HS3ST5: variants seen among roughly 807,000 people sequenced by gnomAD.
HS3ST5 encodes the protein heparan sulfate-glucosamine 3-sulfotransferase 5.
HS3ST5 carries 10 observed loss-of-function variants against 25.4 expected under a neutral mutation model. The observed-to-expected ratio is 0.39, with a 90% CI of 0.24 to 0.67. The LOEUF is 0.67. Ranked by LOEUF, HS3ST5 falls within the 30% of genes least tolerant of loss-of-function variation. The pLI is 0.44. For missense variants in HS3ST5, 324 were observed against 420.7 expected, an observed-to-expected ratio of 0.77 and a Z score of 2.01; for synonymous variants, 170 against 162.4, an observed-to-expected ratio of 1.05 and a Z score of -0.36.
At chr6:114,099,002 T>A (rs900341253) in intron 3 of HS3ST5, among the ~76,000 whole-genome samples, 2 of 152,124 alleles carry the variant, frequency 1.3e-5, no homozygotes, top group African/African-American at 4.8e-5. Flanking sequence ...AATAAATATA[T>A]ACCCGAAGTT....
chr6:114,203,699 C>T (rs1488181867), intron 2 of HS3ST5, among the ~76,000 whole-genome samples: 4 of 152,178 alleles, frequency 2.6e-5, no homozygotes, highest in Non-Finnish European at 5.9e-5. Context: ...AGTTTAAACA[C>T]TCTTCTGATT....
intron 3 of HS3ST5, among the ~76,000 whole-genome samples, chr6:114,121,522 T>C (rs957572083): frequency 6.6e-6 from 1 of 152,142 alleles, no homozygotes; most frequent in Non-Finnish European, 1.5e-5. Context: ...AAAAAATTGG[T>C]AATATCTTGG....
At chr6:114,103,074 A>G (rs1483182417) in intron 3 of HS3ST5, among the ~76,000 whole-genome samples, 1 of 152,184 alleles carries the variant, frequency 6.6e-6, no homozygotes, top group Non-Finnish European at 1.5e-5. Context: ...CAATTGTTCA[A>G]CCCTTTTATG....
chr6:114,309,207 C>A (rs529052495), intron 1 of HS3ST5, among the ~76,000 whole-genome samples: 140 of 152,264 alleles, frequency 9.2e-4, no homozygotes, highest in African/African-American at 2.8e-3. Context: ...CATATGAGCA[C>A]TCAGGGACAT....
intron 2 of HS3ST5, among the ~76,000 whole-genome samples, chr6:114,177,268 A>G (rs1293196982): frequency 6.6e-6 from 1 of 152,238 alleles, no homozygotes; most frequent in East Asian, 1.9e-4. Flanking sequence ...TATGAAGAAC[A>G]ATGGAAACAT....
intron 1 of HS3ST5, among the ~76,000 whole-genome samples, chr6:114,318,603 T>A (rs1031480000): frequency 3.9e-5 from 6 of 152,184 alleles, no homozygotes; most frequent in Non-Finnish European, 8.8e-5. Context: ...TAGCTCTTTA[T>A]AATTAACTGA....
chr6:114,157,947 A>T (rs1778776732), intron 3 of HS3ST5, among the ~76,000 whole-genome samples: 1 of 151,886 alleles, frequency 6.6e-6, no homozygotes, highest in African/African-American at 2.4e-5. Context: ...TGCCTATTGC[A>T]TTCTTGTTCC....
At position 114,056,586 on chromosome 6, in the gene HS3ST5, A is replaced by T. The variant is rs1772781844; in HGVS notation, c.*671T>A. 1 of 152,240 alleles carries T rather than the reference A, an allele frequency of 6.6e-6. No individual in the cohort carries two copies. The highest frequency in any genetic ancestry group is 2.1e-4 in the South Asian group (1 of 4,834). 9.4% of individuals were successfully genotyped at this position (152,240 alleles called of 1,614,324 possible). ...GTGTGAAACCAGTATTTACAACAAT[A>T]TACATTATGTACATGACATTTCTCT... On this transcript the variant is annotated 3_prime_UTR_variant, in exon 5 of 5. Transcript: ENST00000312719.
At chr6:114,071,797 A>G (rs1773839735) in intron 3 of HS3ST5, among the ~76,000 whole-genome samples, 1 of 152,214 alleles carries the variant, frequency 6.6e-6, no homozygotes, top group African/African-American at 2.4e-5. Context: ...ATACTCATAT[A>G]TCCTTTGCCT....
At chr6:114,129,456 C>T (rs183695299) in intron 3 of HS3ST5, among the ~76,000 whole-genome samples, 30 of 152,128 alleles carry the variant, frequency 2.0e-4, no homozygotes, top group Admixed American at 1.2e-3. Context: ...AGGGTTTCAT[C>T]GTGTTAGCCA....
At chr6:114,199,986 G>T (rs1780937823) in intron 2 of HS3ST5, among the ~76,000 whole-genome samples, 1 of 152,130 alleles carries the variant, frequency 6.6e-6, no homozygotes, top group South Asian at 2.1e-4. Flanking sequence ...GGCTAAGGGG[G>T]TGGAGGGGCA....
At chr6:114,302,070 T>G (rs2114812040) in intron 1 of HS3ST5, among the ~76,000 whole-genome samples, 1 of 152,318 alleles carries the variant, frequency 6.6e-6, no homozygotes, top group Non-Finnish European at 1.5e-5. Context: ...TGCAAATATT[T>G]GAAGTTACCC....
intron 1 of HS3ST5, among the ~76,000 whole-genome samples, chr6:114,293,817 A>G (rs114279243): frequency 0.018 from 2,814 of 152,212 alleles, 99 homozygotes; most frequent in African/African-American, 0.064. Flanking sequence ...CAAAAGAAGA[A>G]AGAGCCTCAA....
chr6:114,072,096 A>G (rs1026928837), intron 3 of HS3ST5, among the ~76,000 whole-genome samples: 11 of 152,204 alleles, frequency 7.2e-5, no homozygotes, highest in Non-Finnish European at 1.2e-4. Context: ...CTGCCTCCCT[A>G]TGAAGTTCAT....
intron 2 of HS3ST5, among the ~76,000 whole-genome samples, chr6:114,217,594 T>C (rs1314975251): frequency 2.6e-5 from 4 of 152,180 alleles, no homozygotes; most frequent in Non-Finnish European, 5.9e-5. Context: ...GAACAGTCTA[T>C]ATCTACTGAG....
intron 1 of HS3ST5, among the ~76,000 whole-genome samples, chr6:114,236,940 C>T (rs1413559812): frequency 6.6e-6 from 1 of 152,150 alleles, no homozygotes; most frequent in Admixed American, 6.5e-5. Flanking sequence ...GTACTGCCGA[C>T]GCCGGGCCCA....
At chr6:114,104,533 G>A (rs917057048) in intron 3 of HS3ST5, among the ~76,000 whole-genome samples, 2 of 152,146 alleles carry the variant, frequency 1.3e-5, no homozygotes, top group East Asian at 3.9e-4. Context: ...CATTTCAGCA[G>A]CATTCCTGGT....
intron 1 of HS3ST5, among the ~76,000 whole-genome samples, chr6:114,269,812 C>T (rs1426185533): frequency 6.6e-6 from 1 of 152,136 alleles, no homozygotes; most frequent in Non-Finnish European, 1.5e-5. Flanking sequence ...ATAGTCCAAT[C>T]CCCTCAGTTT....
Position 114,152,635 on chromosome 6 carries a change from G to A in HS3ST5, c.-33+15716C>T, listed in dbSNP as rs114998709. 3.8e-3 allele frequency among the ~76,000 whole-genome samples: 575 copies of A among 152,274 alleles called. 4 individuals carry two copies. The highest frequency in any genetic ancestry group is 9.0e-3 in the African/African-American group (375 of 41,552). ...TTTCATCTTACAGCTCAGGAAAGTC[G>A]AGGCTAAAGTGGATTTTGCTGAGAG... On this transcript the variant is annotated intron_variant, in intron 3 of 4. Coordinates refer to ENST00000312719, the MANE Select transcript of HS3ST5 (RefSeq NM_153612.4).
Sources: gnomAD v4.1 joint callset for allele counts (sites outside exome capture counted in the v4.1 genomes callset) on GRCh38, gnomAD v4.1.1 for gene constraint, MANE v1.5 for transcripts, NCBI Gene and HGNC (gene_info 2026-07-23, HGNC 2026-07-21) for gene names.